The following COL21A1 variants were observed in gnomAD, a reference collection of about 807,000 sequenced individuals.
COL21A1 encodes collagen alpha-1(XXI) chain.
COL21A1 carries 149 observed loss-of-function variants against 137.9 expected under a neutral mutation model. The observed-to-expected ratio is 1.08, with a 90% CI of 0.95 to 1.24. The LOEUF (loss-of-function observed/expected upper bound fraction) is 1.24, where lower values mean the gene tolerates loss of function less well. Among genes scored for constraint, COL21A1 ranks in the 50% most tolerant of loss-of-function variants. COL21A1 has a pLI of 0.00. For missense variants in COL21A1, 1,167 were observed against 1,158.4 expected, an observed-to-expected ratio of 1.01 and a Z score of -0.11; for synonymous variants, 456 against 391.5, an observed-to-expected ratio of 1.16 and a Z score of -1.95.
At chr6:56,370,683 T>C (rs1766219704) in intron 1 of COL21A1, among the ~76,000 whole-genome samples, 1 of 152,322 alleles carries the variant, frequency 6.6e-6, no homozygotes, top group African/African-American at 2.4e-5. Context: ...CATGAATCAG[T>C]TGTAGCATAA....
chr6:56,111,049 A>T (rs867160222), intron 16 of COL21A1, among the ~76,000 whole-genome samples: 1 of 152,186 alleles, frequency 6.6e-6, no homozygotes, highest in South Asian at 2.1e-4. Flanking sequence ...AAATACTATA[A>T]AACAGGTGAT....
At chr6:56,109,898 CAGGCCCAG>C (rs1329258358) in intron 16 of COL21A1, among the ~76,000 whole-genome samples, 1 of 151,960 alleles carries the variant, frequency 6.6e-6, no homozygotes, top group Non-Finnish European at 1.5e-5. Context: ...CTGCAAAGCT[CAGGCCCAG>C]AGGGTTTCAC....
intron 1 of COL21A1, among the ~76,000 whole-genome samples, chr6:56,329,434 C>A (rs962564281): frequency 1.3e-5 from 2 of 152,000 alleles, no homozygotes; most frequent in African/African-American, 2.4e-5. Context: ...ATTCAAAAGC[C>A]AAATCTGTAT....
At chr6:56,368,685 A>C (rs1413812807) in intron 1 of COL21A1, among the ~76,000 whole-genome samples, 1 of 152,138 alleles carries the variant, frequency 6.6e-6, no homozygotes, top group Admixed American at 6.5e-5. Context: ...TGCCAGGGAA[A>C]GTTTGTTTAT....
At chr6:56,303,213 GC>G (rs1764347158) in intron 1 of COL21A1, among the ~76,000 whole-genome samples, 1 of 152,168 alleles carries the variant, frequency 6.6e-6, no homozygotes, top group African/African-American at 2.4e-5. Flanking sequence ...GGCAATGTGG[GC>G]TCTTTTTTGG....
chr6:56,334,481 T>C (rs539078552), intron 1 of COL21A1, among the ~76,000 whole-genome samples: 4 of 152,282 alleles, frequency 2.6e-5, no homozygotes, highest in African/African-American at 9.6e-5. Flanking sequence ...CCTGGTTTGG[T>C]GGCATGAAGA....
At chr6:56,084,090 A>G (rs979087298) in intron 17 of COL21A1, among the ~76,000 whole-genome samples, 2 of 151,930 alleles carry the variant, frequency 1.3e-5, no homozygotes, top group Non-Finnish European at 2.9e-5. Context: ...TTTAAACATC[A>G]GATTTGGTGA....
intron 1 of COL21A1, among the ~76,000 whole-genome samples, chr6:56,287,460 G>A (rs1257841218): frequency 1.3e-5 from 2 of 152,060 alleles, no homozygotes; most frequent in African/African-American, 4.8e-5. Flanking sequence ...TCCCCTTGCT[G>A]TTCTCATGAT....
chr6:56,147,861 T>C (rs1230175217), intron 10 of COL21A1, among the ~76,000 whole-genome samples: 2 of 152,166 alleles, frequency 1.3e-5, no homozygotes, highest in Non-Finnish European at 2.9e-5. Flanking sequence ...CCTGCCAAGA[T>C]ACTCCGCAAG....
At chr6:56,362,411 T>G (rs1293122081) in intron 1 of COL21A1, among the ~76,000 whole-genome samples, 2 of 152,164 alleles carry the variant, frequency 1.3e-5, no homozygotes, top group Non-Finnish European at 2.9e-5. Context: ...TTTTGCCAAT[T>G]TGATCAAGCC....
chr6:56,256,681 G>A (rs537523264), intron 1 of COL21A1, among the ~76,000 whole-genome samples: 1 of 147,182 alleles, frequency 6.8e-6, no homozygotes, highest in African/African-American at 2.6e-5. Context: ...TCCCTTCTCT[G>A]GCCAAATAAT....
At chr6:56,216,387 C>T (rs16887672) in intron 1 of COL21A1, among the ~76,000 whole-genome samples, 3,626 of 152,090 alleles carry the variant, frequency 0.024, 84 homozygotes, top group East Asian at 0.074. Flanking sequence ...AAAGTTGATA[C>T]AACCAAATAT....
chr6:56,393,010 G>C (rs1422052790), intron 1 of COL21A1, among the ~76,000 whole-genome samples: 1 of 143,244 alleles, frequency 7.0e-6, no homozygotes, highest in African/African-American at 2.6e-5. Context: ...ATATTTATAT[G>C]ACACCACAAA....
At chr6:56,171,235 A>C in intron 3 of COL21A1, 107 bp from the exon 4 acceptor site, 1 of 663,240 alleles carries the variant, frequency 1.5e-6, no homozygotes, top group South Asian at 2.8e-5. Context: ...CATTAGAATT[A>C]TAAAATCTAC....
intron 1 of COL21A1, among the ~76,000 whole-genome samples, chr6:56,246,093 A>G (rs557856531): frequency 2.8e-5 from 4 of 141,786 alleles, no homozygotes; most frequent in Admixed American, 1.6e-4. Flanking sequence ...GAAATCTCAG[A>G]TATCTATAAA....
At chr6:56,076,506 T>A (rs1488777110) in intron 18 of COL21A1, among the ~76,000 whole-genome samples, 1 of 151,382 alleles carries the variant, frequency 6.6e-6, no homozygotes, top group Non-Finnish European at 1.5e-5. Flanking sequence ...AGACTATTAG[T>A]ACTGAAAATA....
chr6:56,101,424 A>C, intron 17 of COL21A1, 48 bp downstream of exon 17: 1 of 1,386,988 alleles, frequency 7.2e-7, no homozygotes, highest in South Asian at 1.2e-5. Flanking sequence ...GGATTTCGTA[A>C]CAGGAAAAGA....
At chr6:56,306,538 G>C (rs939694121) in intron 1 of COL21A1, among the ~76,000 whole-genome samples, 2 of 152,220 alleles carry the variant, frequency 1.3e-5, no homozygotes, top group Non-Finnish European at 2.9e-5. Context: ...ACTGAGACTT[G>C]TGCATTCATC....
chr6:56,209,465 C>T (rs563825392), intron 1 of COL21A1, among the ~76,000 whole-genome samples: 12 of 152,216 alleles, frequency 7.9e-5, no homozygotes, highest in African/African-American at 1.9e-4. Context: ...AAAAAGTGAG[C>T]GAAGGATATG....
Sources: gnomAD v4.1 joint callset for allele counts (sites outside exome capture counted in the v4.1 genomes callset) on GRCh38, gnomAD v4.1.1 for gene constraint, MANE v1.5 for transcripts, NCBI Gene and HGNC (gene_info 2026-07-23, HGNC 2026-07-21) for gene names.